Variants in ELFN2 observed in about 807,000 individuals in gnomAD.
ELFN2 encodes extracellular leucine rich repeat and fibronectin type III domain containing 2, also known as protein phosphatase 1 regulatory subunit 29.
In ELFN2, 17 loss-of-function variants were observed where a neutral mutation model predicts 45.5. The observed-to-expected ratio is 0.37, with a 90% CI of 0.26 to 0.56. The LOEUF is 0.56. Among genes scored for constraint, ELFN2 ranks in the 20% least tolerant of loss-of-function variants. The pLI is 0.77. For missense variants in ELFN2, 922 were observed against 1,183.2 expected, an observed-to-expected ratio of 0.78 and a Z score of 3.24; for synonymous variants, 550 against 551.5, an observed-to-expected ratio of 1.00 and a Z score of 0.04.
At position 37,373,369 on chromosome 22, in the gene ELFN2, G is replaced by C. The variant is rs1258572980; in HGVS notation, c.2166C>G (p.Asp722Glu). Residue 722 changes from aspartate to glutamate, a missense_variant, in exon 3 of 3, where the codon GAC becomes GAG. Transcript: ENST00000402918. ...FPALYYEEGADSLSQRVSFLK... is the reference protein window; with the variant it reads ...FPALYYEEGAESLSQRVSFLK... ...GGAAGGACACGCGCTGGCTCAGGCTGTCGGCACCCTCCTCGTAGTACAGGG... is the reference window on the plus strand; with the variant it reads ...GGAAGGACACGCGCTGGCTCAGGCTCTCGGCACCCTCCTCGTAGTACAGGG... 1 of 1,612,400 alleles carries C rather than the reference G, an allele frequency of 6.2e-7. No homozygotes were observed. Among genetic ancestry groups the C allele is most frequent in the Admixed American group, 1.7e-5 (1 of 59,872 alleles).
chr22:37,347,305 C>T (rs1930721273), intron 1 of ELFN2, among the ~76,000 whole-genome samples: 1 of 152,144 alleles, frequency 6.6e-6, no homozygotes, highest in African/African-American at 2.4e-5. Flanking sequence ...TCCTGGAGGG[C>T]TTGACTTCTG....
rs901526165 is a variant in ELFN2 at position 37,400,812 on chromosome 22, A to C, written c.-463+16957T>G. The stretch of plus-strand genomic sequence containing the variant: ...CCTTGCCTTCTTGTAGAGGGATCTA[A>C]AGGTGGAGATCAAACGAGGGCATTA... On this transcript the variant is annotated intron_variant, in intron 2 of 2. Transcript: ENST00000402918. 8.5e-5 allele frequency among the ~76,000 whole-genome samples: 13 copies of C among 152,360 alleles called. 2 individuals are homozygous for C. The highest frequency in any genetic ancestry group is 3.4e-3 in the Middle Eastern group (1 of 294).
At chr22:37,391,852 T>C (rs1932094274) in intron 2 of ELFN2, among the ~76,000 whole-genome samples, 1 of 152,134 alleles carries the variant, frequency 6.6e-6, no homozygotes, top group Admixed American at 6.5e-5. Context: ...AGTGCGTGGG[T>C]CCCACATCCT....
In ELFN2 at chr22:37,349,936, G is replaced by A. The variant is rs944161147; in HGVS notation, n.149-7233C>T. Among the ~76,000 whole-genome samples, 3 of 151,102 alleles carry A rather than the reference G, an allele frequency of 2.0e-5. No homozygotes were observed. The East Asian group carries it at 5.8e-4, about 29-fold the overall frequency. On this transcript the variant is annotated intron_variant and non_coding_transcript_variant, in intron 1 of 2. Transcript: ENST00000452946. ...GGACAGTCAAGAGGTAAGTGGGCAC[G>A]AGGCTCCTGTTCCTGAGGGATGCTC...
intron 2 of ELFN2, among the ~76,000 whole-genome samples, chr22:37,386,355 T>G (rs1320856859): frequency 6.6e-6 from 1 of 152,112 alleles, no homozygotes; most frequent in Non-Finnish European, 1.5e-5. Context: ...CTGGGACACC[T>G]GCCTGCTACG....
rs1569140694 is a variant in ELFN2, at chr22:37,403,404, G to GGTGA, written c.-463+14364_-463+14365insTCAC. ...GCTCCTAAGGGGCGGGGCCATGCAA[G>GGTGA]GCGAGCGAGGGGCCGGAGGGTGGGG... is the stretch of plus-strand genomic sequence containing the variant. On this transcript the variant is annotated intron_variant, in intron 2 of 2. Transcript: ENST00000402918. 4.7e-5 allele frequency among the ~76,000 whole-genome samples: 5 copies of GGTGA among 105,804 alleles called. No individual in the cohort carries two copies. The East Asian group carries it at 1.2e-3, about 26-fold the overall frequency. 69.4% of individuals were successfully genotyped at this position (105,804 alleles called of 152,430 possible). A position where few individuals can be genotyped will look rare whatever the true frequency, so the allele number is the denominator to read the frequency against.
chr22:37,370,337 T>G lies in ELFN2; in HGVS notation c.*2735A>C, dbSNP rs1468536106. 2.0e-5 allele frequency: 3 copies of G among 151,854 alleles called. No individual in the cohort carries two copies. The highest frequency in any genetic ancestry group is 6.6e-5 in the Admixed American group (1 of 15,250). The allele number at this position is 151,854 out of a possible 1,614,324, so 9.4% of individuals were successfully genotyped here. A position where few individuals can be genotyped will look rare whatever the true frequency, so the allele number is the denominator to read the frequency against. ...CGTGCTCCTTCTTCCCACGGGTTCC[T>G]TTCTCAAAGCCCCCACCCTCTCCCT... On this transcript the variant is annotated 3_prime_UTR_variant, in exon 3 of 3. Transcript: ENST00000402918.
Position 37,374,940 on chromosome 22 carries a change from A to G in ELFN2, c.595T>C (p.Trp199Arg), listed in dbSNP as rs1931529593. The change falls in exon 3 of 3, where the codon TGG (tryptophan) becomes CGG (arginine). Residue 199 changes from tryptophan to arginine, a missense_variant. Physicochemically the swap from Trp to Arg is moderately radical, Grantham distance 101 (BLOSUM62 -3). Transcript: ENST00000402918. ...CECDLFGFLA[W>R]LVVFNNVTKN... Reference sequence around the variant, plus strand: ...GTGACGTTGTTGAAGACCACCAGCCAGGCCAGGAAGCCGAAGAGGTCGCAC... The same window carrying G: ...GTGACGTTGTTGAAGACCACCAGCCGGGCCAGGAAGCCGAAGAGGTCGCAC... The G allele has an allele frequency of 6.2e-7, 1 of 1,613,074 alleles. No homozygotes were observed. Among genetic ancestry groups the G allele is most frequent in the Non-Finnish European group, 8.5e-7 (1 of 1,179,980 alleles).
At chr22:37,391,298 A>G (rs745575940) in intron 2 of ELFN2, among the ~76,000 whole-genome samples, 1 of 152,058 alleles carries the variant, frequency 6.6e-6, no homozygotes, top group Non-Finnish European at 1.5e-5. Flanking sequence ...GAGGACAAAG[A>G]CCAAGTGTGG....
chr22:37,343,443 G>A (rs1051849999), intron 1 of ELFN2, among the ~76,000 whole-genome samples: 8 of 151,964 alleles, frequency 5.3e-5, no homozygotes, highest in Non-Finnish European at 8.8e-5. Context: ...GCCGATGCCC[G>A]CCTCTCCCAC....
At chr22:37,364,270 C>A (rs541232461), downstream of ELFN2, among the ~76,000 whole-genome samples, 1 of 152,276 alleles carries the variant, frequency 6.6e-6, no homozygotes, top group East Asian at 1.9e-4. Flanking sequence ...AGGGTGGTGG[C>A]GGCAGCAAGG....
rs1490921137 is a variant in ELFN2 at position 37,370,176 on chromosome 22, C to G, written c.*2896G>C. ...CCTCCTGGATCATCAGAGTCCTGCT[C>G]TTTGGAAGGGCCCCTGTCCCTGCAG... On this transcript the variant is annotated 3_prime_UTR_variant, in exon 3 of 3. Transcript: ENST00000402918. 6.6e-6 allele frequency: 1 copy of G among 152,226 alleles called. No individual in the cohort carries two copies. Among genetic ancestry groups the G allele is most frequent in the Non-Finnish European group, 1.5e-5 (1 of 68,056 alleles). 9.4% of individuals were successfully genotyped at this position (152,226 alleles called of 1,614,324 possible). A position where few individuals can be genotyped will look rare whatever the true frequency, so the allele number is the denominator to read the frequency against.
At chr22:37,381,568 T>TGA in intron 2 of ELFN2, among the ~76,000 whole-genome samples, 1 of 151,298 alleles carries the variant, frequency 6.6e-6, no homozygotes, top group South Asian at 2.1e-4. Context: ...CCCCCCAGTC[T>TGA]GAGATAACTC....
chr22:37,383,969 GT>G (rs1931863271), intron 2 of ELFN2, among the ~76,000 whole-genome samples: 1 of 152,238 alleles, frequency 6.6e-6, no homozygotes, highest in East Asian at 1.9e-4. Context: ...TTCCTCATCT[GT>G]TTGGAGGAAA....
At chr22:37,405,156 G>GT (rs1240811226) in intron 2 of ELFN2, among the ~76,000 whole-genome samples, 1 of 149,130 alleles carries the variant, frequency 6.7e-6, no homozygotes, top group East Asian at 2.0e-4. Flanking sequence ...GCAATGGCGT[G>GT]ATCTCGGCTT....
At position 37,369,640 on chromosome 22, in the gene ELFN2, T is replaced by G. The variant is rs535846052; in HGVS notation, c.*3432A>C. ...GCTCCAACAGAGGGTTAGCTGCACCTGCTGTGCCCTCCCAGGAAGGAGCAG... is the reference window on the plus strand; with the variant it reads ...GCTCCAACAGAGGGTTAGCTGCACCGGCTGTGCCCTCCCAGGAAGGAGCAG... On this transcript the variant is annotated 3_prime_UTR_variant, in exon 3 of 3. Coordinates refer to ENST00000402918, the MANE Select transcript of ELFN2 (RefSeq NM_052906.5). The G allele has an allele frequency of 6.0e-4, 91 of 152,444 alleles. No individual in the cohort carries two copies. Among genetic ancestry groups the G allele is most frequent in the Admixed American group, 1.8e-3 (27 of 15,310 alleles). 9.4% of individuals were successfully genotyped at this position (152,444 alleles called of 1,614,324 possible).
downstream of ELFN2, among the ~76,000 whole-genome samples, chr22:37,366,874 C>T (rs1268085703): frequency 6.6e-6 from 1 of 152,214 alleles, no homozygotes; most frequent in Non-Finnish European, 1.5e-5. Context: ...CCAGCTGGGG[C>T]TCAGGCAGTA....
At chr22:37,365,866 G>A (rs561126306), downstream of ELFN2, among the ~76,000 whole-genome samples, 2 of 151,766 alleles carry the variant, frequency 1.3e-5, no homozygotes, top group East Asian at 3.9e-4. Flanking sequence ...TGCCATGAAA[G>A]TTCACCTTTT....
At chr22:37,403,951 G>A (rs946684989) in intron 2 of ELFN2, among the ~76,000 whole-genome samples, 8 of 152,200 alleles carry the variant, frequency 5.3e-5, no homozygotes, top group African/African-American at 7.2e-5. Flanking sequence ...AGAGAGGGAC[G>A]TCCCCAGCAC....
Sources: allele counts gnomAD v4.1 joint callset (sites outside exome capture counted in the v4.1 genomes callset), GRCh38; gene constraint gnomAD v4.1.1; transcripts MANE v1.5; gene names NCBI Gene and HGNC (gene_info 2026-07-23, HGNC 2026-07-21).